The following ATP1A4 variants were observed in gnomAD, a reference collection of about 807,000 sequenced individuals.
The protein encoded by ATP1A4 is sodium/potassium-transporting ATPase subunit alpha-4.
In ATP1A4, 90 loss-of-function variants were observed where a neutral mutation model predicts 114.3. The ratio of observed to expected loss-of-function variants is 0.79; its 90% CI spans 0.66 to 0.94. The LOEUF (loss-of-function observed/expected upper bound fraction) is 0.94, where lower values mean the gene tolerates loss of function less well. Among genes scored for constraint, ATP1A4 ranks in the 40% least tolerant of loss-of-function variants. ATP1A4 has a pLI of 0.00. For synonymous variants in ATP1A4, 511 were observed against 494.1 expected (o/e 1.03, Z -0.45); for missense variants, 1,222 against 1,313.6 (o/e 0.93, Z 1.08).
chr1:160,184,473 G>A (rs1398936299), intron 20 of ATP1A4, among the ~76,000 whole-genome samples: 1 of 152,090 alleles, frequency 6.6e-6, no homozygotes, highest in East Asian at 1.9e-4. Flanking sequence ...CTTGAGCCCA[G>A]GAGTTCAAGA....
At position 160,173,563 on chromosome 1, in the gene ATP1A4, C is replaced by T. The variant is rs768719394; in HGVS notation, c.1855-18C>T. 1.9e-6 allele frequency: 3 copies of T among 1,611,374 alleles called. No individual in the cohort carries two copies. The highest frequency in any genetic ancestry group is 1.7e-6 in the Non-Finnish European group (2 of 1,177,732). ...CTGAAGATGATTCTGCTCCTCTTCC[C>T]TCTCCTTCCCAACCCAGGTGATCAT... On this transcript the variant is annotated intron_variant, in intron 12 of 21. Coordinates refer to ENST00000368081, the MANE Select transcript of ATP1A4 (RefSeq NM_144699.4).
At chr1:160,160,609 C>G (rs1571014842) in intron 6 of ATP1A4, among the ~76,000 whole-genome samples, 1 of 152,112 alleles carries the variant, frequency 6.6e-6, no homozygotes, top group East Asian at 1.9e-4. Flanking sequence ...GATATTATCC[C>G]TATTTTACAT....
At position 160,155,151 on chromosome 1, in the gene ATP1A4, T is replaced by A; in HGVS notation, c.314T>A (p.Phe105Tyr). ...TGGGTCAAATTCTGTAAGCAACTGT[T>A]CGGAGGCTTCTCCCTCCTACTATGG... ...PEWVKFCKQL[F>Y]GGFSLLLWTG... Residue 105 changes from phenylalanine to tyrosine, a missense_variant, in exon 3 of 22, where the codon TTC becomes TAC. Transcript: ENST00000368081. 6.2e-7 allele frequency: 1 copy of A among 1,613,854 alleles called. No individual in the cohort carries two copies.
Position 160,174,201 on chromosome 1 carries a change from C to A in ATP1A4, c.2082C>A (p.Ile694=). The A allele has an allele frequency of 6.2e-7, 1 of 1,614,148 alleles. No individual in the cohort carries two copies. The stretch of plus-strand genomic sequence containing the variant: ...AGATCCTCCAGAACCACCCTGAGAT[C>A]GTGTTTGCTCGGACCTCCCCTCAGC... ...LDQILQNHPE[I]VFARTSPQQK... is the part of the protein sequence containing the mutation. The change falls in exon 14 of 22, where the codon ATC becomes ATA. Residue 694 remains isoleucine (I), a synonymous_variant. Coordinates refer to ENST00000368081, the MANE Select transcript of ATP1A4 (RefSeq NM_144699.4).
chr1:160,177,566 G>C lies in ATP1A4; in HGVS notation c.2638G>C (p.Ala880Pro). 1.2e-6 allele frequency: 2 copies of C among 1,614,138 alleles called. No homozygotes were observed. Among genetic ancestry groups the C allele is most frequent in the Non-Finnish European group, 1.7e-6 (2 of 1,180,016 alleles). ...ATTCTTTACCTACTTTGTAATCCTG[G>C]CTGAGAATGGTTTTAGGCCTGTTGA... is the stretch of plus-strand genomic sequence containing the variant. ...AGFFTYFVIL[A>P]ENGFRPVDLL... is the part of the protein sequence containing the mutation. Residue 880 changes from alanine (A) to proline (P), a missense_variant, in exon 18 of 22, where the codon GCT becomes CCT. Coordinates refer to ENST00000368081, the MANE Select transcript of ATP1A4 (RefSeq NM_144699.4).
chr1:160,153,360 C>A lies in ATP1A4; in HGVS notation c.207+136C>A, dbSNP rs59150478. The A allele has an allele frequency of 3.3e-3, 2,326 of 700,904 alleles. 38 individuals carry two copies. The African/African-American group carries it at 0.033, about 10-fold the overall frequency. 43.4% of individuals were successfully genotyped at this position (700,904 alleles called of 1,614,324 possible). A position where few individuals can be genotyped will look rare whatever the true frequency, so the allele number is the denominator to read the frequency against. On this transcript the variant is annotated intron_variant, in intron 2 of 21. Coordinates refer to ENST00000368081, the MANE Select transcript of ATP1A4 (RefSeq NM_144699.4). ...CCACCCCTCACCCTCTGCCTGGCCA[C>A]GTTCCATGGACACTACCTGGAAAAA... is the stretch of plus-strand genomic sequence containing the variant.
intron 4 of ATP1A4, among the ~76,000 whole-genome samples, chr1:160,158,526 G>T (rs1304841216): frequency 6.6e-6 from 1 of 151,986 alleles, no homozygotes; most frequent in Non-Finnish European, 1.5e-5. Flanking sequence ...ACAGGTGCAT[G>T]CCACCACACC....
At chr1:160,164,546 G>T (rs1333927516) in intron 7 of ATP1A4, 122 bp downstream of exon 7, 3 of 1,030,670 alleles carry the variant, frequency 2.9e-6, no homozygotes, top group Non-Finnish European at 4.3e-6. Context: ...ATGTAAATAG[G>T]TATCAGGAAT....
intron 7 of ATP1A4, among the ~76,000 whole-genome samples, chr1:160,165,039 T>C (rs1264290076): frequency 1.3e-5 from 2 of 152,342 alleles, no homozygotes; most frequent in East Asian, 3.9e-4. Flanking sequence ...TTTAGATTTT[T>C]GATGGTAGCC....
At chr1:160,181,855 C>A (rs1429635548) in intron 19 of ATP1A4, 41 bp downstream of exon 19, 1 of 1,613,926 alleles carries the variant, frequency 6.2e-7, no homozygotes, top group Non-Finnish European at 8.5e-7. Flanking sequence ...TCCCAAGCCC[C>A]ACACACCAGG....
intron 20 of ATP1A4, chr1:160,182,592 C>T (rs6427505): frequency 0.14 from 20,944 of 153,242 alleles, 1,668 homozygotes; most frequent in African/African-American, 0.22. Context: ...CCACTCCCAT[C>T]CCCATTACCC....
chr1:160,178,764 C>A (rs2101653388), intron 18 of ATP1A4, among the ~76,000 whole-genome samples: 1 of 152,332 alleles, frequency 6.6e-6, no homozygotes, highest in Non-Finnish European at 1.5e-5. Context: ...GAGGATACCT[C>A]TCTATAGTTG....
chr1:160,163,710 G>A (rs1652936734), intron 6 of ATP1A4, among the ~76,000 whole-genome samples: 1 of 152,174 alleles, frequency 6.6e-6, no homozygotes, highest in African/African-American at 2.4e-5. Context: ...TCATTACATA[G>A]GTATAATCGG....
At chr1:160,172,226 G>T (rs1404830541) in intron 12 of ATP1A4, among the ~76,000 whole-genome samples, 3 of 152,204 alleles carry the variant, frequency 2.0e-5, no homozygotes, top group Non-Finnish European at 4.4e-5. Flanking sequence ...CGATGCTGTT[G>T]CTGCTGGTCT....
At chr1:160,158,862 C>T in intron 4 of ATP1A4, 140 bp from the exon 5 acceptor site, 1 of 908,412 alleles carries the variant, frequency 1.1e-6, no homozygotes, top group East Asian at 2.7e-5. Context: ...CTGCCAAAGA[C>T]ACCTTCAAGA....
At chr1:160,182,767 G>A (rs1158174990) in intron 20 of ATP1A4, 1 of 152,620 alleles carries the variant, frequency 6.6e-6, no homozygotes, top group African/African-American at 2.4e-5. Context: ...TGCCTCCCAG[G>A]TTCAAGTGAT....
intron 17 of ATP1A4, 59 bp downstream of exon 17, chr1:160,176,661 C>T (rs746550605): frequency 1.0e-4 from 163 of 1,592,682 alleles, no homozygotes; most frequent in Non-Finnish European, 1.4e-4. Context: ...TGCCTGGCAA[C>T]GTGAGCCATC....
At chr1:160,171,873 T>C in intron 12 of ATP1A4, 116 bp downstream of exon 12, 1 of 1,051,682 alleles carries the variant, frequency 9.5e-7, no homozygotes, top group Middle Eastern at 2.6e-4. Context: ...GGATTTCTGT[T>C]TCCTTGGGCT....
At chr1:160,186,226 C>A in intron 20 of ATP1A4, 50 bp from the exon 21 acceptor site, 1 of 1,294,406 alleles carries the variant, frequency 7.7e-7, no homozygotes, top group Non-Finnish European at 1.1e-6. Flanking sequence ...TGCACCTGTC[C>A]TCTGGCATCT....
Sources: allele counts gnomAD v4.1 joint callset (sites outside exome capture counted in the v4.1 genomes callset), GRCh38; gene constraint gnomAD v4.1.1; transcripts MANE v1.5; gene names NCBI Gene and HGNC (gene_info 2026-07-23, HGNC 2026-07-21).